The following TRAF3IP2 variants were observed in gnomAD, a reference collection of about 807,000 sequenced individuals.
TRAF3IP2 encodes the protein E3 ubiquitin ligase TRAF3IP2.
TRAF3IP2 carries 35 observed loss-of-function variants against 57.9 expected under a neutral mutation model. That is an observed-to-expected ratio of 0.60 (90% CI 0.46 to 0.80). The LOEUF is 0.80. Ranked by LOEUF, TRAF3IP2 falls within the 30% of genes least tolerant of loss-of-function variation. The pLI is 0.00. For synonymous variants in TRAF3IP2, 251 were observed against 268.9 expected (o/e 0.93, Z 0.65); for missense variants, 556 against 706.4 (o/e 0.79, Z 2.41).
chr6:111,598,670 G>A (rs1454386356), intron 1 of TRAF3IP2, among the ~76,000 whole-genome samples: 4 of 152,168 alleles, frequency 2.6e-5, no homozygotes, highest in African/African-American at 7.2e-5. Context: ...GAAGGGAATT[G>A]GATGGCTAGG....
At chr6:111,580,058 TA>T (rs1440858340) in intron 3 of TRAF3IP2, 138 bp downstream of exon 3, 2 of 960,448 alleles carry the variant, frequency 2.1e-6, no homozygotes, top group Non-Finnish European at 1.5e-6. Flanking sequence ...CTGAAAAGTC[TA>T]TATTGGGCAT....
rs559874598 is a variant in TRAF3IP2 at position 111,580,215 on chromosome 6, G to A, written c.1004C>T (p.Pro335Leu). 19 of 1,614,102 alleles carry A rather than the reference G, an allele frequency of 1.2e-5. No homozygotes were observed. The highest frequency in any genetic ancestry group is 3.3e-4 in the Middle Eastern group (2 of 6,062). ...ERPAQRDCSF[P>L]GLPRHQDQPH... ...TACTTACTGGTGCCTTGGAAGCCCC[G>A]GAAAGGAGCAGTCTCTCTGTGCGGG... Residue 335 changes from proline (P) to leucine (L), a missense_variant, in exon 3 of 9, where the codon CCG becomes CTG. Coordinates refer to ENST00000368761, the MANE Select transcript of TRAF3IP2 (RefSeq NM_147686.4).
At chr6:111,585,593 A>G (rs533832523) in intron 2 of TRAF3IP2, among the ~76,000 whole-genome samples, 2 of 152,336 alleles carry the variant, frequency 1.3e-5, no homozygotes, top group Non-Finnish European at 2.9e-5. Flanking sequence ...ACAAACCCAC[A>G]CTAGTTAGTG....
At chr6:111,568,396 A>G (rs978339686) in intron 5 of TRAF3IP2, among the ~76,000 whole-genome samples, 1 of 146,328 alleles carries the variant, frequency 6.8e-6, no homozygotes, top group Admixed American at 6.9e-5. Context: ...GAAACCAAAT[A>G]AGAAGGCCCT....
chr6:111,589,143 C>T (rs900354077), intron 2 of TRAF3IP2, among the ~76,000 whole-genome samples: 2 of 147,374 alleles, frequency 1.4e-5, no homozygotes, highest in African/African-American at 2.5e-5. Context: ...TCACTGTAAC[C>T]TCTGCCTCCC....
intron 2 of TRAF3IP2, among the ~76,000 whole-genome samples, chr6:111,580,758 G>A (rs530953236): frequency 6.6e-6 from 1 of 152,070 alleles, no homozygotes; most frequent in African/African-American, 2.4e-5. Flanking sequence ...TTCATGTCCC[G>A]AACCCAAGGC....
chr6:111,581,860 C>T (rs1796173659), intron 2 of TRAF3IP2, among the ~76,000 whole-genome samples: 1 of 152,036 alleles, frequency 6.6e-6, no homozygotes, highest in Non-Finnish European at 1.5e-5. Flanking sequence ...CACCTGTAAC[C>T]CCAGCTACTC....
chr6:111,605,349 G>C (rs1006196953), intron 1 of TRAF3IP2, among the ~76,000 whole-genome samples: 3 of 152,222 alleles, frequency 2.0e-5, no homozygotes, highest in Non-Finnish European at 4.4e-5. Context: ...CAAGGATTGA[G>C]AAAACTGCCA....
chr6:111,555,550 C>T lies in TRAF3IP2; in HGVS notation c.*3855G>A, dbSNP rs1431936578. Among the ~76,000 whole-genome samples, 3 of 152,176 alleles carry T rather than the reference C, an allele frequency of 2.0e-5. No homozygotes were observed. The highest frequency in any genetic ancestry group is 7.2e-5 in the African/African-American group (3 of 41,410). On this transcript the variant is annotated 3_prime_UTR_variant, in exon 9 of 9. Coordinates refer to ENST00000368761, the MANE Select transcript of TRAF3IP2 (RefSeq NM_147686.4). Reference sequence around the variant, plus strand: ...GTTAAAATAGATTTGAAACCAGTCACTAAAATTTAAAATTACATTTAAAAT... The same window carrying T: ...GTTAAAATAGATTTGAAACCAGTCATTAAAATTTAAAATTACATTTAAAAT...
At chr6:111,573,761 C>G (rs929152844) in intron 4 of TRAF3IP2, 2 of 152,198 alleles carry the variant, frequency 1.3e-5, no homozygotes, top group Admixed American at 1.3e-4. Context: ...GTCTGACTAG[C>G]ATTTTAATGT....
Position 111,591,232 on chromosome 6 carries a change from G to A in TRAF3IP2, c.829+26C>T, listed in dbSNP as rs1413258239. 2.1e-6 allele frequency: 3 copies of A among 1,462,858 alleles called. No individual in the cohort carries two copies. The highest frequency in any genetic ancestry group is 1.4e-5 in the African/African-American group (1 of 71,052). 90.6% of individuals were successfully genotyped at this position (1,462,858 alleles called of 1,614,324 possible). On this transcript the variant is annotated intron_variant, in intron 2 of 8. Coordinates refer to ENST00000368761, the MANE Select transcript of TRAF3IP2 (RefSeq NM_147686.4). The surrounding 1 kb of genome is among the most constrained non-coding windows in gnomAD (Gnocchi z 4.9). Reference sequence around the variant, plus strand: ...TTTCTTCAGTCACCCAGCCCAGAATGCCCAGAGGAGGTAAAGATCACTTAC... The same window carrying A: ...TTTCTTCAGTCACCCAGCCCAGAATACCCAGAGGAGGTAAAGATCACTTAC...
intron 3 of TRAF3IP2, among the ~76,000 whole-genome samples, chr6:111,577,434 G>A (rs981006884): frequency 6.6e-6 from 1 of 152,128 alleles, no homozygotes; most frequent in African/African-American, 2.4e-5. Flanking sequence ...GCAGGGTCTT[G>A]CTCTGTCACC....
rs1426412980 is a variant in TRAF3IP2 at position 111,580,301 on chromosome 6, G to A, written c.918C>T (p.Gly306=). 4.3e-6 allele frequency: 7 copies of A among 1,611,636 alleles called. No individual in the cohort carries two copies. The highest frequency in any genetic ancestry group is 4.5e-5 in the East Asian group (2 of 44,736). Residue 306 remains glycine, a synonymous_variant, in exon 3 of 9, where the codon GGC becomes GGT. Coordinates refer to ENST00000368761, the MANE Select transcript of TRAF3IP2 (RefSeq NM_147686.4). The part of the protein sequence containing the change: ...GQPLPGASVR[G]LHPVQKVILN... ...GGATAACCTTCTGCACAGGGTGCAG[G>A]CCTCTCACACTGGCTCCAGGCAGGG...
chr6:111,575,893 T>C, intron 3 of TRAF3IP2, 72 bp from the exon 4 acceptor site: 3 of 1,443,178 alleles, frequency 2.1e-6, no homozygotes, highest in Admixed American at 4.5e-5. Flanking sequence ...GAAAGACTTT[T>C]AGAACTATGG....
At chr6:111,585,126 T>C (rs1237444977) in intron 2 of TRAF3IP2, among the ~76,000 whole-genome samples, 2 of 152,250 alleles carry the variant, frequency 1.3e-5, no homozygotes, top group Non-Finnish European at 2.9e-5. Context: ...TCTATTAATG[T>C]CTGTTCCAAC....
intron 2 of TRAF3IP2, among the ~76,000 whole-genome samples, chr6:111,587,624 T>C (rs1319786643): frequency 1.3e-5 from 2 of 152,118 alleles, no homozygotes; most frequent in Admixed American, 6.5e-5. Flanking sequence ...TCCTCTTAAT[T>C]CCCTGCTCCC....
At chr6:111,604,528 T>G (rs1395571157) in intron 1 of TRAF3IP2, among the ~76,000 whole-genome samples, 1 of 152,232 alleles carries the variant, frequency 6.6e-6, no homozygotes, top group Non-Finnish European at 1.5e-5. Flanking sequence ...GGACATGAAC[T>G]AATTCGAGAA....
intron 7 of TRAF3IP2, 145 bp downstream of exon 7, chr6:111,566,299 G>A: frequency 1.5e-6 from 1 of 676,082 alleles, no homozygotes; most frequent in Non-Finnish European, 2.6e-6. Context: ...AGAACCAACA[G>A]CTCCTCTCCT....
intron 1 of TRAF3IP2, among the ~76,000 whole-genome samples, chr6:111,599,351 T>C (rs1796794687): frequency 6.6e-6 from 1 of 152,150 alleles, no homozygotes; most frequent in Admixed American, 6.5e-5. Flanking sequence ...TTTTGCCTCC[T>C]CGGGCCTGAT....
Sources: allele counts gnomAD v4.1 joint callset (sites outside exome capture counted in the v4.1 genomes callset), GRCh38; gene constraint gnomAD v4.1.1; non-coding constraint Gnocchi (gnomAD v3.1); transcripts MANE v1.5; gene names NCBI Gene and HGNC (gene_info 2026-07-23, HGNC 2026-07-21).